HSP90AA1: variants seen among roughly 807,000 people sequenced by gnomAD.
HSP90AA1 encodes the protein heat shock protein HSP 90-alpha.
Under a neutral mutation model 73.3 loss-of-function variants are expected in HSP90AA1, and 18 were observed. The observed-to-expected ratio is 0.25, with a 90% CI of 0.17 to 0.36. HSP90AA1 has a LOEUF of 0.36. Ranked by LOEUF, HSP90AA1 falls within the 10% of genes least tolerant of loss-of-function variation. HSP90AA1 has a pLI of 1.00. For missense variants in HSP90AA1, 704 were observed against 874.2 expected, an observed-to-expected ratio of 0.81 and a Z score of 2.45; for synonymous variants, 477 against 296.9, an observed-to-expected ratio of 1.61 and a Z score of -6.24.
At chr14:102,115,344 C>CA (rs1323345495) in intron 1 of HSP90AA1, among the ~76,000 whole-genome samples, 3 of 151,374 alleles carry the variant, frequency 2.0e-5, no homozygotes, top group African/African-American at 7.3e-5. Context: ...TTTACTTTTA[C>CA]AAAAAATAAA....
upstream of HSP90AA1, among the ~76,000 whole-genome samples, chr14:102,087,891 TTAAG>T (rs1566722830): frequency 2.0e-5 from 3 of 151,544 alleles, no homozygotes; most frequent in African/African-American, 7.3e-5. Flanking sequence ...GGTCTCCAAA[TTAAG>T]TATCTAACAC....
intron 9 of HSP90AA1, 114 bp from the exon 10 acceptor site, chr14:102,082,558 C>A: frequency 1.3e-6 from 1 of 772,102 alleles, no homozygotes. Context: ...TATCTACTGT[C>A]AAATACAACT....
chr14:102,136,174 AGTT>A (rs1269753945), intron 1 of HSP90AA1, among the ~76,000 whole-genome samples: 1 of 152,260 alleles, frequency 6.6e-6, no homozygotes, highest in Non-Finnish European at 1.5e-5. Flanking sequence ...TTATTTTGGT[AGTT>A]GTTTAGAAGG....
chr14:102,086,880 G>A (rs2049254208), intron 1 of HSP90AA1, 106 bp downstream of exon 1: 4 of 633,064 alleles, frequency 6.3e-6, no homozygotes, highest in African/African-American at 2.0e-5. Context: ...CGCGGCCCTG[G>A]CTGCTTCAGG....
chr14:102,127,452 CTCT>C (rs1406438137), intron 1 of HSP90AA1, among the ~76,000 whole-genome samples: 1 of 152,120 alleles, frequency 6.6e-6, no homozygotes, highest in African/African-American at 2.4e-5. Context: ...TATGACAGTT[CTCT>C]TATTTTCTTC....
chr14:102,095,546 G>A (rs1022488677), intron 2 of HSP90AA1, among the ~76,000 whole-genome samples: 6 of 152,284 alleles, frequency 3.9e-5, no homozygotes, highest in African/African-American at 9.6e-5. Flanking sequence ...TGTTCTAGTC[G>A]GGGAGGGACA....
intron 3 of HSP90AA1, 163 bp from the exon 4 acceptor site, chr14:102,085,594 C>G: frequency 8.0e-7 from 1 of 1,252,518 alleles, no homozygotes; most frequent in Non-Finnish European, 1.1e-6. Flanking sequence ...CCCAAAAGAA[C>G]CGCCCACCAA....
intron 1 of HSP90AA1, among the ~76,000 whole-genome samples, chr14:102,135,797 T>A (rs1226697672): frequency 6.6e-6 from 1 of 152,246 alleles, no homozygotes; most frequent in African/African-American, 2.4e-5. Context: ...GCTGGCTGGC[T>A]ACTCCAAGTG....
At position 102,130,239 on chromosome 14, in the gene HSP90AA1, G is replaced by T. The variant is rs532439124; in HGVS notation, c.155+9011C>A. On this transcript the variant is annotated intron_variant, in intron 1 of 11. Transcript: ENST00000334701. ...CTGCCTCGGCCTCCCAAAACGCTGGGATTACAGACATGAGCCACTGCGCCC... is the reference window on the plus strand; with the variant it reads ...CTGCCTCGGCCTCCCAAAACGCTGGTATTACAGACATGAGCCACTGCGCCC... 1.8e-4 allele frequency among the ~76,000 whole-genome samples: 28 copies of T among 152,244 alleles called. No individual in the cohort carries two copies. The East Asian group carries it at 5.2e-3, about 28-fold the overall frequency.
rs1423344436 is a variant in HSP90AA1, at chr14:102,080,829, C to CT, written c.*882dup. ...GTGGACACTAAGAGAACACATGTAA[C>CT]TCATGGACGCAGGGGATGCATGTTG... On this transcript the variant is annotated 3_prime_UTR_variant, in exon 11 of 11. Transcript: ENST00000216281. 2.2e-5 allele frequency: 5 copies of CT among 226,972 alleles called. No homozygotes were observed. Among genetic ancestry groups the CT allele is most frequent in the African/African-American group, 1.1e-4 (5 of 44,980 alleles). 14.1% of individuals were successfully genotyped at this position (226,972 alleles called of 1,614,324 possible). A position where few individuals can be genotyped will look rare whatever the true frequency, so the allele number is the denominator to read the frequency against.
chr14:102,085,596 GCCCAC>G, intron 3 of HSP90AA1, 157 bp downstream of exon 3: 1 of 1,253,212 alleles, frequency 8.0e-7, no homozygotes, highest in Non-Finnish European at 1.1e-6. Flanking sequence ...CAAAAGAACC[GCCCAC>G]CAAGTCATGC....
chr14:102,113,990 G>A (rs746615975), intron 1 of HSP90AA1, among the ~76,000 whole-genome samples: 2 of 151,940 alleles, frequency 1.3e-5, no homozygotes, highest in Non-Finnish European at 2.9e-5. Flanking sequence ...GATTACAGGC[G>A]TGAGCCACTG....
chr14:102,126,728 C>T (rs1179689458), intron 1 of HSP90AA1, among the ~76,000 whole-genome samples: 3 of 152,126 alleles, frequency 2.0e-5, no homozygotes, highest in African/African-American at 4.8e-5. Flanking sequence ...TGGGGTTTCA[C>T]GGTGTTAGCC....
upstream of HSP90AA1, among the ~76,000 whole-genome samples, chr14:102,089,178 C>T (rs1159970475): frequency 6.6e-6 from 1 of 152,210 alleles, no homozygotes; most frequent in Non-Finnish European, 1.5e-5. Flanking sequence ...GCCTCGGCCT[C>T]CCAAAGTGCT....
chr14:102,134,366 G>A (rs1453446716), intron 1 of HSP90AA1, among the ~76,000 whole-genome samples: 1 of 148,400 alleles, frequency 6.7e-6, no homozygotes, highest in Non-Finnish European at 1.5e-5. Context: ...AGAAACGTTA[G>A]ACTGGAATGG....
chr14:102,100,519 G>A (rs563894843), intron 2 of HSP90AA1, among the ~76,000 whole-genome samples: 35 of 149,902 alleles, frequency 2.3e-4, no homozygotes, highest in African/African-American at 5.4e-4. Context: ...TCCGCCTCCC[G>A]GGTTCAAGCG....
rs371310259 is a variant in HSP90AA1, at chr14:102,101,995, C to T, written c.246G>A (p.Trp82Ter). 8 of 1,613,976 alleles carry T rather than the reference C, an allele frequency of 5.0e-6. No homozygotes were observed. The highest frequency in any genetic ancestry group is 6.8e-6 in the Non-Finnish European group (8 of 1,179,990). ...ATGCAGAGACGTGGAAGGGCTGTTT[C>T]CAGAGACAGAGTAGAGTGGTGGATC... The change falls in exon 2 of 12, where the codon TGG becomes TGA. Residue 82 changes from tryptophan to a stop codon, truncating the protein, a stop_gained. Transcript: ENST00000334701. LOFTEE classifies it high-confidence loss of function.
rs34691938 is a variant in HSP90AA1, at chr14:102,128,630, GAAAAAAAA to G, written c.155+10612_155+10619del. 7.5e-5 allele frequency among the ~76,000 whole-genome samples: 8 copies of G among 107,002 alleles called. No homozygotes were observed. The East Asian group carries it at 1.1e-3, about 14-fold the overall frequency. 70.2% of individuals were successfully genotyped at this position (107,002 alleles called of 152,430 possible). On this transcript the variant is annotated intron_variant, in intron 1 of 11. Transcript: ENST00000334701. ...GCAGTAAGAGCAAAACTCCGTCTCG[GAAAAAAAA>G]AAAAAAAAAAAAAATTAGCCGGGTG... is the stretch of plus-strand genomic sequence containing the variant.
intron 1 of HSP90AA1, among the ~76,000 whole-genome samples, chr14:102,137,696 AAAG>A (rs1200875078): frequency 2.0e-5 from 3 of 152,286 alleles, no homozygotes; most frequent in Non-Finnish European, 2.9e-5. Context: ...TATGAGATAA[AAAG>A]AATAAAAATA....
Sources: allele counts gnomAD v4.1 joint callset (sites outside exome capture counted in the v4.1 genomes callset), GRCh38; gene constraint gnomAD v4.1.1; transcripts MANE v1.5; gene names NCBI Gene and HGNC (gene_info 2026-07-23, HGNC 2026-07-21).